AGBL1: variants seen among roughly 807,000 people sequenced by gnomAD.
The protein encoded by AGBL1 is cytosolic carboxypeptidase 4.
Under a neutral mutation model 118.9 loss-of-function variants are expected in AGBL1, and 130 were observed. That is an observed-to-expected ratio of 1.09 (90% confidence interval 0.95 to 1.26). The LOEUF (loss-of-function observed/expected upper bound fraction) is 1.26. AGBL1 is among the 50% of genes most tolerant of loss of function. AGBL1 has a pLI of 0.00. For missense variants in AGBL1, 1,584 were observed against 1,298.1 expected (o/e 1.22, Z -3.38); for synonymous variants, 555 against 478.9 (o/e 1.16, Z -2.08).
At chr15:86,649,351 G>C (rs1418367842) in intron 21 of AGBL1, among the ~76,000 whole-genome samples, 1 of 152,154 alleles carries the variant, frequency 6.6e-6, no homozygotes, top group Non-Finnish European at 1.5e-5. Flanking sequence ...AAGAATTGTT[G>C]AAGGTTTTAG....
intron 5 of AGBL1, among the ~76,000 whole-genome samples, chr15:86,165,531 C>T (rs981534653): frequency 1.3e-5 from 2 of 152,138 alleles, no homozygotes; most frequent in Non-Finnish European, 2.9e-5. Flanking sequence ...GAGTGGGTGA[C>T]TCAGCTACTC....
Position 86,928,250 on chromosome 15 carries a change from G to C in AGBL1, c.3222-59737G>C, listed in dbSNP as rs539120441. 2.0e-5 allele frequency among the ~76,000 whole-genome samples: 3 copies of C among 152,268 alleles called. No individual in the cohort carries two copies. The East Asian group carries it at 5.8e-4, about 30-fold the overall frequency. On this transcript the variant is annotated intron_variant, in intron 23 of 24. Transcript: ENST00000441037. ...TTGGGCTGTCAGAATCTGTGATGCA[G>C]AGCAAAGAGAGGGCAGAGGAACAGA...
At chr15:86,960,010 TA>T in intron 23 of AGBL1, among the ~76,000 whole-genome samples, 1 of 152,270 alleles carries the variant, frequency 6.6e-6, no homozygotes, top group South Asian at 2.1e-4. Flanking sequence ...AGGTTTCGGG[TA>T]AATGTGCAGC....
chr15:86,745,822 C>G (rs2077748200), intron 22 of AGBL1, among the ~76,000 whole-genome samples: 1 of 151,996 alleles, frequency 6.6e-6, no homozygotes, highest in Non-Finnish European at 1.5e-5. Context: ...GCTCATCTTT[C>G]CCATGACACC....
intron 4 of AGBL1, among the ~76,000 whole-genome samples, chr15:86,156,292 C>G (rs1307575458): frequency 6.6e-6 from 1 of 152,158 alleles, no homozygotes; most frequent in Non-Finnish European, 1.5e-5. Context: ...TGGCCCCTCT[C>G]TTTGGCTTCC....
chr15:86,344,155 G>C (rs984831560), intron 17 of AGBL1, among the ~76,000 whole-genome samples: 2 of 152,174 alleles, frequency 1.3e-5, no homozygotes, highest in African/African-American at 4.8e-5. Flanking sequence ...GCATAGCATG[G>C]GCTGGAGGGG....
rs556706251 is a variant in AGBL1, at chr15:86,443,867, T to A, written c.2555+46321T>A. Among the ~76,000 whole-genome samples the A allele has an allele frequency of 1.1e-3, 87 of 79,802 alleles. No homozygotes were observed. In the East Asian group the frequency reaches 0.062, roughly 57 times the overall value. 52.4% of individuals were successfully genotyped at this position (79,802 alleles called of 152,430 possible). A position where few individuals can be genotyped will look rare whatever the true frequency, so the allele number is the denominator to read the frequency against. ...ATCCATTCATTGATAGACACTTGGG[T>A]TGACTCCTCTATATCTTAGCTATTG... On this transcript the variant is annotated intron_variant, in intron 18 of 22. Coordinates refer to ENST00000614907, the MANE Select transcript of AGBL1 (RefSeq NM_001386094.1).
intron 4 of AGBL1, among the ~76,000 whole-genome samples, chr15:86,156,794 CT>C (rs773611214): frequency 6.6e-4 from 70 of 105,536 alleles, no homozygotes; most frequent in Admixed American, 1.5e-3. Context: ...TCTTTTCTTT[CT>C]TTTTTTTTTT....
intron 22 of AGBL1, among the ~76,000 whole-genome samples, chr15:86,740,976 T>C (rs1841832145): frequency 6.6e-6 from 1 of 151,980 alleles, no homozygotes; most frequent in Non-Finnish European, 1.5e-5. Context: ...CTCAACCTCC[T>C]CTCTCTCAGA....
intron 22 of AGBL1, among the ~76,000 whole-genome samples, chr15:86,688,461 T>G (rs2086103306): frequency 6.6e-6 from 1 of 152,132 alleles, no homozygotes; most frequent in Non-Finnish European, 1.5e-5. Context: ...CCAAGGTATT[T>G]GAGGAGGCTT....
chr15:86,312,887 A>G (rs1480780925), intron 17 of AGBL1, among the ~76,000 whole-genome samples: 1 of 152,216 alleles, frequency 6.6e-6, no homozygotes, highest in African/African-American at 2.4e-5. Context: ...CTGAGCAAAA[A>G]ACATTTTGTT....
chr15:86,536,716 G>A (rs2083431685), intron 19 of AGBL1, among the ~76,000 whole-genome samples: 1 of 152,168 alleles, frequency 6.6e-6, no homozygotes, highest in Admixed American at 6.5e-5. Flanking sequence ...TGAGGAGATG[G>A]AGGGGAGGGG....
At chr15:86,204,653 A>C (rs989066466) in intron 5 of AGBL1, among the ~76,000 whole-genome samples, 2 of 152,016 alleles carry the variant, frequency 1.3e-5, no homozygotes, top group African/African-American at 4.8e-5. Context: ...GCAGTGGTGC[A>C]ATCTTGGCTC....
chr15:86,974,819 T>C (rs2141710936), intron 23 of AGBL1, among the ~76,000 whole-genome samples: 1 of 151,964 alleles, frequency 6.6e-6, no homozygotes, highest in Middle Eastern at 3.4e-3. Context: ...TGGTGGAATT[T>C]ACTGTATGTT....
chr15:86,307,273 T>C (rs1254031276), intron 17 of AGBL1, among the ~76,000 whole-genome samples: 1 of 152,220 alleles, frequency 6.6e-6, no homozygotes, highest in Non-Finnish European at 1.5e-5. Flanking sequence ...TGTTAGATGA[T>C]TTGTTCTATA....
At chr15:86,501,895 T>A (rs2142161443) in intron 18 of AGBL1, among the ~76,000 whole-genome samples, 1 of 151,730 alleles carries the variant, frequency 6.6e-6, no homozygotes, top group East Asian at 1.9e-4. Context: ...ATTCATTCTT[T>A]TTCAATACTG....
chr15:86,352,741 C>T (rs1397861608), intron 17 of AGBL1, among the ~76,000 whole-genome samples: 3 of 152,142 alleles, frequency 2.0e-5, no homozygotes, highest in Non-Finnish European at 2.9e-5. Flanking sequence ...GTGCCTCAGC[C>T]TCCCAAAGTG....
chr15:86,817,291 T>C (rs1430399562), intron 22 of AGBL1, among the ~76,000 whole-genome samples: 1 of 89,234 alleles, frequency 1.1e-5, no homozygotes, highest in East Asian at 3.2e-4. Flanking sequence ...AAACTCCATC[T>C]GGAAAAAAAA....
chr15:86,418,358 C>T (rs1415536677), intron 18 of AGBL1, among the ~76,000 whole-genome samples: 1 of 152,158 alleles, frequency 6.6e-6, no homozygotes, highest in Admixed American at 6.5e-5. Context: ...TTTGCAAATT[C>T]CTCACTGAAG....
Sources: gnomAD v4.1 joint callset for allele counts (sites outside exome capture counted in the v4.1 genomes callset) on GRCh38, gnomAD v4.1.1 for gene constraint, MANE v1.5 for transcripts, NCBI Gene and HGNC (gene_info 2026-07-23, HGNC 2026-07-21) for gene names.